IFT122: variants seen among roughly 807,000 people sequenced by gnomAD.
The protein encoded by IFT122 is intraflagellar transport 122.
A neutral mutation model predicts 161.6 loss-of-function variants in IFT122; 118 were observed. That is an observed-to-expected ratio of 0.73 (90% CI 0.63 to 0.85). The LOEUF (loss-of-function observed/expected upper bound fraction) is 0.85. Among genes scored for constraint, IFT122 ranks in the 40% least tolerant of loss-of-function variants. IFT122 has a pLI of 0.00. For synonymous variants in IFT122, 550 were observed against 602.4 expected (o/e 0.91, Z 1.27); for missense variants, 1,381 against 1,579.6 (o/e 0.87, Z 2.13).
chr3:129,477,678 A>T (rs2108289505), intron 11 of IFT122, among the ~76,000 whole-genome samples: 1 of 152,306 alleles, frequency 6.6e-6, no homozygotes, highest in Middle Eastern at 3.4e-3. Context: ...GAGCGGCCAG[A>T]GGTGAGGTCA....
rs564343956 is a variant in IFT122 at position 129,460,431 on chromosome 3, CT to C, written c.273-789del. 1.8e-3 allele frequency among the ~76,000 whole-genome samples: 272 copies of C among 150,900 alleles called. 4 individuals are homozygous for C. The highest frequency in any genetic ancestry group is 6.1e-3 in the African/African-American group (246 of 40,512). On this transcript the variant is annotated intron_variant, in intron 4 of 29. Coordinates refer to ENST00000348417, the MANE Select transcript of IFT122 (RefSeq NM_052989.3). ...TGTAGCATGTGTCAGAATTTACTTC[CT>C]TTTTTTTCTTTATTATTATTTTTTT...
chr3:129,479,920 C>T lies in IFT122; in HGVS notation c.1486C>T (p.Gln496Ter). The T allele has an allele frequency of 6.2e-7, 1 of 1,613,882 alleles. No individual in the cohort carries two copies. The highest frequency in any genetic ancestry group is 8.5e-7 in the Non-Finnish European group (1 of 1,179,962). The change falls in exon 13 of 30, where the codon CAG becomes TAG. Residue 496 changes from glutamine to a stop codon, truncating the protein, a stop_gained and splice_region_variant. Transcript: ENST00000348417. LOFTEE classifies it high-confidence loss of function. ...CCTCTTAGTGGGGCTGAAGAATGGA[C>T]AGGTGAGTGCTCCCTCACGTCTCCT... ...EGLLVGLKNG[Q>*]ILKIFVDNLF... is the part of the protein sequence containing the mutation.
At position 129,446,965 on chromosome 3, in the gene IFT122, A is replaced by T. The variant is rs74755699; in HGVS notation, c.42-2906A>T. On this transcript the variant is annotated intron_variant, in intron 1 of 29. Coordinates refer to ENST00000348417, the MANE Select transcript of IFT122 (RefSeq NM_052989.3). ...GACAGGTTTTTGACACATTCTTACT[A>T]TAGTCACCTGAACCAATGAAATCCT... 4.1e-3 allele frequency among the ~76,000 whole-genome samples: 627 copies of T among 152,306 alleles called. 2 individuals carry two copies. The highest frequency in any genetic ancestry group is 0.014 in the African/African-American group (570 of 41,552).
At chr3:129,488,220 A>G in intron 15 of IFT122, 37 bp from the exon 16 acceptor site, 1 of 1,613,828 alleles carries the variant, frequency 6.2e-7, no homozygotes, top group Non-Finnish European at 8.5e-7. Flanking sequence ...TGGCTCTGAA[A>G]ACAGTCTTCT....
intron 27 of IFT122, 132 bp from the exon 28 acceptor site, chr3:129,518,975 C>T: frequency 1.2e-6 from 1 of 807,680 alleles, no homozygotes. Flanking sequence ...CCTGAGCCCC[C>T]TCTGTTCCTC....
intron 5 of IFT122, among the ~76,000 whole-genome samples, chr3:129,462,731 G>A (rs1396287887): frequency 6.6e-6 from 1 of 152,338 alleles, no homozygotes; most frequent in Admixed American, 6.5e-5. Flanking sequence ...CTTCTTGATT[G>A]TACTTCGCAA....
intron 1 of IFT122, 100 bp from the exon 2 acceptor site, chr3:129,449,771 A>G (rs930353232): frequency 4.8e-6 from 4 of 840,656 alleles, no homozygotes; most frequent in Admixed American, 3.4e-5. Context: ...CTCAGTACAC[A>G]CACAGTGTTT....
intron 24 of IFT122, 141 bp downstream of exon 24, chr3:129,512,553 G>C (rs2082960129): frequency 1.4e-6 from 1 of 740,346 alleles, no homozygotes; most frequent in African/African-American, 1.7e-5. Context: ...CCCTCCCGCT[G>C]CTGTTTGGCT....
Position 129,476,809 on chromosome 3 carries a change from G to T in IFT122, c.1147+8G>T. The T allele has an allele frequency of 6.2e-7, 1 of 1,614,152 alleles. No homozygotes were observed. ...TGATCACTGAGCAGAAAGGTAAGAG[G>T]CAGGTCCAGACCTTGGGAAGAGGGA... On this transcript the variant is annotated splice_region_variant and intron_variant, in intron 11 of 29. Transcript: ENST00000348417.
At chr3:129,511,447 G>A (rs1285093756) in intron 23 of IFT122, among the ~76,000 whole-genome samples, 1 of 152,216 alleles carries the variant, frequency 6.6e-6, no homozygotes, top group Non-Finnish European at 1.5e-5. Context: ...TCAGTGATGA[G>A]TAGGGCCTCA....
At chr3:129,467,132 G>T in intron 8 of IFT122, 66 bp downstream of exon 8, 1 of 1,494,714 alleles carries the variant, frequency 6.7e-7, no homozygotes, top group East Asian at 2.3e-5. Flanking sequence ...GACTTGCCAG[G>T]ACAGATGTTA....
intron 24 of IFT122, 150 bp from the exon 25 acceptor site, chr3:129,514,239 C>A (rs996427261): frequency 7.2e-6 from 6 of 838,360 alleles, no homozygotes; most frequent in East Asian, 2.6e-5. Context: ...TCACCTCTCA[C>A]AAGCGCACAG....
chr3:129,458,570 A>G, intron 3 of IFT122, 29 bp from the exon 4 acceptor site: 3 of 1,585,132 alleles, frequency 1.9e-6, no homozygotes, highest in East Asian at 4.5e-5. Context: ...AGATAAATGT[A>G]AGACTTTCCA....
In IFT122 at chr3:129,483,668, G is replaced by A. The variant is rs745308803; in HGVS notation, c.1837G>A (p.Val613Met). The change falls in exon 15 of 30, where the codon GTG becomes ATG. Residue 613 changes from valine to methionine, a missense_variant. Val to Met is a conservative substitution (Grantham distance 21, BLOSUM62 1). Around this residue, in one of 7 missense-constraint regions of IFT122, gnomAD observed 544 missense variants for 648.0 expected, o/e 0.84. Coordinates refer to ENST00000348417, the MANE Select transcript of IFT122 (RefSeq NM_052989.3). The part of the protein sequence containing the change: ...FCLHVFSISA[V>M]EVPQSAPMYQ... The stretch of plus-strand genomic sequence containing the variant: ...CCTCCATGTCTTCTCCATTTCTGCC[G>A]TGGAGGTGCCGCAGGTAACTGGGGG... 1.3e-5 allele frequency: 21 copies of A among 1,599,990 alleles called. No homozygotes were observed. The highest frequency in any genetic ancestry group is 1.0e-4 in the Admixed American group (6 of 57,448).
At chr3:129,500,135 C>A in intron 19 of IFT122, 67 bp downstream of exon 19, 1 of 1,541,338 alleles carries the variant, frequency 6.5e-7, no homozygotes, top group Non-Finnish European at 9.0e-7. Flanking sequence ...TCTTGACTGA[C>A]AAGGGAACCA....
intron 25 of IFT122, chr3:129,515,264 G>T (rs918015003): frequency 1.8e-5 from 11 of 621,170 alleles, no homozygotes; most frequent in East Asian, 8.3e-5. Context: ...CTGTGCAGGT[G>T]TCTTGGGCAC....
At chr3:129,449,235 A>G (rs1174582233) in intron 1 of IFT122, among the ~76,000 whole-genome samples, 2 of 152,122 alleles carry the variant, frequency 1.3e-5, no homozygotes, top group African/African-American at 4.8e-5. Flanking sequence ...ATTTCATCCA[A>G]TCTAATAGGT....
At position 129,515,446 on chromosome 3, in the gene IFT122, G is replaced by C. The variant is rs190591240; in HGVS notation, c.3154-42G>C. 2.6e-5 allele frequency: 30 copies of C among 1,162,922 alleles called. 1 individual carries two copies. In the South Asian group the frequency reaches 3.4e-4, roughly 13 times the overall value. The allele number at this position is 1,162,922 out of a possible 1,614,324, so 72.0% of individuals were successfully genotyped here. ...CCAGAGTCCAGGGGGAGGAGGACACGTGCCTGCCCCGGCCCCTCGGGAGTC... is the reference window on the plus strand; with the variant it reads ...CCAGAGTCCAGGGGGAGGAGGACACCTGCCTGCCCCGGCCCCTCGGGAGTC... On this transcript the variant is annotated intron_variant, in intron 25 of 29. Transcript: ENST00000348417.
In IFT122 at chr3:129,514,521, G is replaced by A; in HGVS notation, c.3120G>A (p.Leu1040=). 4 of 1,614,224 alleles carry A rather than the reference G, an allele frequency of 2.5e-6. No homozygotes were observed. Among genetic ancestry groups the A allele is most frequent in the Non-Finnish European group, 3.4e-6 (4 of 1,180,046 alleles). The stretch of plus-strand genomic sequence containing the variant: ...AAAAGTCCATTGAGCTGGGTACCCT[G>A]ACCATCCGCGCCAAGCCCTTCCACG... ...RFQKSIELGT[L]TIRAKPFHDS... The change falls in exon 25 of 30, where the codon CTG becomes CTA. Residue 1040 remains leucine (L), a synonymous_variant. Coordinates refer to ENST00000348417, the MANE Select transcript of IFT122 (RefSeq NM_052989.3).
Sources: gnomAD v4.1 joint callset for allele counts (sites outside exome capture counted in the v4.1 genomes callset) on GRCh38, gnomAD v4.1.1 for gene constraint, gnomAD v4.1.1 regional missense constraint, MANE v1.5 for transcripts, NCBI Gene and HGNC (gene_info 2026-07-23, HGNC 2026-07-21) for gene names.